MRRF: variants seen among roughly 807,000 people sequenced by gnomAD.
MRRF encodes the protein ribosome-recycling factor, mitochondrial.
A neutral mutation model predicts 25.1 loss-of-function variants in MRRF; 18 were observed. The ratio of observed to expected loss-of-function variants is 0.72; its 90% CI spans 0.50 to 1.06. The LOEUF (loss-of-function observed/expected upper bound fraction) is 1.06. Among genes scored for constraint, MRRF ranks in the 50% least tolerant of loss-of-function variants. The pLI is 0.00. For synonymous variants in MRRF, 113 were observed against 112.1 expected (o/e 1.01, Z -0.05); for missense variants, 323 against 319.3 (o/e 1.01, Z -0.09).
rs1836077508 is a variant in MRRF, at chr9:122,324,826, G to T, written c.*2209G>T. The T allele has an allele frequency of 6.6e-6, 1 of 152,178 alleles. No homozygotes were observed. The highest frequency in any genetic ancestry group is 1.5e-5 in the Non-Finnish European group (1 of 68,066). 9.4% of individuals were successfully genotyped at this position (152,178 alleles called of 1,614,324 possible). A position where few individuals can be genotyped will look rare whatever the true frequency, so the allele number is the denominator to read the frequency against. ...AGTGAGGATTCAAGGTCAAAATTGG[G>T]TCAAAGTTAAACTAACACAGTCTCC... is the stretch of plus-strand genomic sequence containing the variant. On this transcript the variant is annotated 3_prime_UTR_variant, in exon 7 of 7. Coordinates refer to ENST00000344641, the MANE Select transcript of MRRF (RefSeq NM_138777.5).
intron 5 of MRRF, among the ~76,000 whole-genome samples, chr9:122,304,420 G>A (rs1360128749): frequency 6.6e-6 from 1 of 152,186 alleles, no homozygotes; most frequent in Non-Finnish European, 1.5e-5. Context: ...CCAAGTGTGT[G>A]GAATGGGGCT....
chr9:122,291,886 G>A, intron 5 of MRRF, 46 bp downstream of exon 5: 1 of 1,364,628 alleles, frequency 7.3e-7, no homozygotes, highest in Non-Finnish European at 1.1e-6. Flanking sequence ...CGGGGTGGTT[G>A]TCCTTGGAAG....
chr9:122,291,052 C>T (rs971778937), intron 4 of MRRF, among the ~76,000 whole-genome samples: 40 of 152,292 alleles, frequency 2.6e-4, no homozygotes, highest in African/African-American at 9.1e-4. Flanking sequence ...ATGCATCGCT[C>T]ATGTTATTTC....
intron 5 of MRRF, among the ~76,000 whole-genome samples, chr9:122,308,600 G>A (rs1265948071): frequency 2.7e-5 from 4 of 150,398 alleles, no homozygotes; most frequent in African/African-American, 9.8e-5. Flanking sequence ...TCAGGAGGCT[G>A]AGGCAGGAGA....
At chr9:122,284,553 T>C (rs1048189632) in intron 3 of MRRF, among the ~76,000 whole-genome samples, 1 of 152,030 alleles carries the variant, frequency 6.6e-6, no homozygotes, top group Admixed American at 6.6e-5. Context: ...AATGACAGAG[T>C]TGCTTGTGAG....
chr9:122,280,037 T>C (rs1002305599), intron 2 of MRRF, among the ~76,000 whole-genome samples: 2 of 152,240 alleles, frequency 1.3e-5, no homozygotes, highest in African/African-American at 2.4e-5. Context: ...ATTAATTTAG[T>C]TATGGATTCC....
intron 5 of MRRF, among the ~76,000 whole-genome samples, chr9:122,306,987 T>C (rs1834887565): frequency 6.6e-6 from 1 of 152,164 alleles, no homozygotes; most frequent in Non-Finnish European, 1.5e-5. Flanking sequence ...ATGTATGATT[T>C]CCTTGGGCTA....
chr9:122,288,904 C>T (rs905512549), intron 4 of MRRF, among the ~76,000 whole-genome samples: 2 of 152,184 alleles, frequency 1.3e-5, no homozygotes, highest in African/African-American at 2.4e-5. Flanking sequence ...CACTCTACTC[C>T]AAGCAGCCAC....
At chr9:122,313,776 C>T (rs1318085900) in intron 6 of MRRF, among the ~76,000 whole-genome samples, 3 of 152,292 alleles carry the variant, frequency 2.0e-5, no homozygotes, top group East Asian at 3.9e-4. Flanking sequence ...CGCTAATGCT[C>T]TCCTGTCTGG....
chr9:122,329,177 A>G lies in MRRF; in HGVS notation c.*6560A>G, dbSNP rs1042790378. 6.6e-6 allele frequency: 1 copy of G among 152,166 alleles called. No individual in the cohort carries two copies. Among genetic ancestry groups the G allele is most frequent in the African/African-American group, 2.4e-5 (1 of 41,434 alleles). The allele number at this position is 152,166 out of a possible 1,614,324, so 9.4% of individuals were successfully genotyped here. ...TGATGTATTCCTTTAATTGTGATGCATCTCTTACAACTACCCTGATACCAC... is the reference window on the plus strand; with the variant it reads ...TGATGTATTCCTTTAATTGTGATGCGTCTCTTACAACTACCCTGATACCAC... On this transcript the variant is annotated 3_prime_UTR_variant, in exon 7 of 7. Coordinates refer to ENST00000344641, the MANE Select transcript of MRRF (RefSeq NM_138777.5).
chr9:122,316,262 A>G (rs192263614), intron 6 of MRRF, among the ~76,000 whole-genome samples: 43 of 151,974 alleles, frequency 2.8e-4, no homozygotes, highest in African/African-American at 1.0e-3. Context: ...TGCAACCTCT[A>G]CCTCCTGGGT....
intron 6 of MRRF, among the ~76,000 whole-genome samples, chr9:122,320,668 A>G (rs957175216): frequency 2.0e-5 from 3 of 152,350 alleles, no homozygotes; most frequent in African/African-American, 2.4e-5. Context: ...TTGCTTTTCT[A>G]GCTGAAAAAA....
chr9:122,318,836 T>G (rs556315640), intron 6 of MRRF, among the ~76,000 whole-genome samples: 1 of 152,358 alleles, frequency 6.6e-6, no homozygotes, highest in South Asian at 2.1e-4. Context: ...CCTCTGTTTC[T>G]TCATCCATAA....
At chr9:122,265,465 A>C (rs556528656) in intron 1 of MRRF, 7 of 325,058 alleles carry the variant, frequency 2.2e-5, no homozygotes, top group Middle Eastern at 1.2e-3. Context: ...TTTACAGATG[A>C]GACGGAAGTC....
At chr9:122,291,230 C>T (rs1367312063) in intron 4 of MRRF, among the ~76,000 whole-genome samples, 2 of 152,174 alleles carry the variant, frequency 1.3e-5, no homozygotes, top group Non-Finnish European at 1.5e-5. Flanking sequence ...ACTACCTTTG[C>T]GGGAGCATAT....
At chr9:122,322,304 A>G (rs1942690467) in intron 6 of MRRF, among the ~76,000 whole-genome samples, 1 of 152,062 alleles carries the variant, frequency 6.6e-6, no homozygotes, top group Non-Finnish European at 1.5e-5. Context: ...CGGAGCTTGC[A>G]GTGAGCCGAG....
In MRRF at chr9:122,313,305, G is replaced by C. The variant is rs151009758; in HGVS notation, c.630G>C (p.Lys210Asn). 38 of 1,614,110 alleles carry C rather than the reference G, an allele frequency of 2.4e-5. No homozygotes were observed. In the East Asian group the frequency reaches 8.5e-4, roughly 36 times the overall value. ...ACAAGGCCAAAGACTCTTTACGGAA[G>C]GTTCGCACCAACTCAATGAACAAGC... is the stretch of plus-strand genomic sequence containing the variant. ...NTNKAKDSLR[K>N]VRTNSMNKLK... is the part of the protein sequence containing the mutation. Residue 210 changes from lysine to asparagine, a missense_variant, in exon 6 of 7, where the codon AAG (lysine) becomes AAC (asparagine). Coordinates refer to ENST00000344641, the MANE Select transcript of MRRF (RefSeq NM_138777.5).
intron 2 of MRRF, 26 bp from the exon 3 acceptor site, chr9:122,280,417 T>C: frequency 1.2e-6 from 2 of 1,613,846 alleles, no homozygotes; most frequent in South Asian, 1.1e-5. Flanking sequence ...TGCTGTTGTT[T>C]TATTCACTGA....
rs1269122502 is a variant in MRRF at position 122,325,942 on chromosome 9, C to T, written c.*3325C>T. 1 of 151,560 alleles carries T rather than the reference C, an allele frequency of 6.6e-6. No homozygotes were observed. Among genetic ancestry groups the T allele is most frequent in the Non-Finnish European group, 1.5e-5 (1 of 67,998 alleles). The allele number at this position is 151,560 out of a possible 1,614,324, so 9.4% of individuals were successfully genotyped here. A position where few individuals can be genotyped will look rare whatever the true frequency, so the allele number is the denominator to read the frequency against. On this transcript the variant is annotated 3_prime_UTR_variant, in exon 7 of 7. Transcript: ENST00000344641. Reference sequence around the variant, plus strand: ...TCATGCAATTCTCCCACCTCAGCCTCCTGAGTAGCTGGGACTGCAGCTATG... The same window carrying T: ...TCATGCAATTCTCCCACCTCAGCCTTCTGAGTAGCTGGGACTGCAGCTATG...
Sources: gnomAD v4.1 joint callset for allele counts (sites outside exome capture counted in the v4.1 genomes callset) on GRCh38, gnomAD v4.1.1 for gene constraint, MANE v1.5 for transcripts, NCBI Gene and HGNC (gene_info 2026-07-23, HGNC 2026-07-21) for gene names.